Variants in SETBP1 observed in about 807,000 individuals in gnomAD.
SETBP1 encodes the protein SET binding protein 1.
A neutral mutation model predicts 101.0 loss-of-function variants in SETBP1; 9 were observed. That is an observed-to-expected ratio of 0.09 (90% CI 0.05 to 0.16). The LOEUF (loss-of-function observed/expected upper bound fraction) is 0.16, where lower values mean the gene tolerates loss of function less well. Ranked by LOEUF, SETBP1 falls within the 10% of genes least tolerant of loss-of-function variation. The pLI is 1.00. For missense variants in SETBP1, 1,858 were observed against 2,033.8 expected (o/e 0.91, Z 1.66); for synonymous variants, 818 against 788.5 (o/e 1.04, Z -0.63).
rs569781483 is a variant in SETBP1, at chr18:45,024,159, C to T, written c.4001-14326C>T. 1.6e-3 allele frequency among the ~76,000 whole-genome samples: 247 copies of T among 152,266 alleles called. 1 individual carries two copies. Among genetic ancestry groups the T allele is most frequent in the Non-Finnish European group, 2.9e-3 (196 of 68,022 alleles). ...TCTCCCCTCTAAAACAAAGACTAAA[C>T]AATTTCACAGGCTGTTTCTTGTGTC... is the stretch of plus-strand genomic sequence containing the variant. On this transcript the variant is annotated intron_variant, in intron 4 of 5. Transcript: ENST00000649279.
chr18:44,738,826 C>T (rs934513865), intron 2 of SETBP1, among the ~76,000 whole-genome samples: 1 of 151,006 alleles, frequency 6.6e-6, no homozygotes, highest in Non-Finnish European at 1.5e-5. Flanking sequence ...AACACACACA[C>T]ATACACACAC....
intron 4 of SETBP1, among the ~76,000 whole-genome samples, chr18:45,032,771 A>G (rs79339479): frequency 0.017 from 2,637 of 152,288 alleles, 78 homozygotes; most frequent in African/African-American, 0.06. Flanking sequence ...CTCTGAGTCC[A>G]TGGAGCTGCA....
intron 2 of SETBP1, among the ~76,000 whole-genome samples, chr18:44,839,328 C>T (rs1239972175): frequency 6.6e-6 from 1 of 152,202 alleles, no homozygotes; most frequent in Non-Finnish European, 1.5e-5. Flanking sequence ...CCACTTCCGT[C>T]ACCCCGGGGG....
rs117364404 is a variant in SETBP1, at chr18:44,958,587, T to C, written c.4000+5247T>C. On this transcript the variant is annotated intron_variant, in intron 4 of 5. Coordinates refer to ENST00000649279, the MANE Select transcript of SETBP1 (RefSeq NM_015559.3). ...GCTTAAGAAGGTCAAGTGACTCATC[T>C]AATGATACATATTTAATTGGGTGAA... is the stretch of plus-strand genomic sequence containing the variant. Among the ~76,000 whole-genome samples the C allele has an allele frequency of 1.4e-4, 21 of 152,288 alleles. No individual in the cohort carries two copies. In the East Asian group the frequency reaches 4.1e-3, roughly 29 times the overall value.
chr18:44,971,163 A>G (rs1177652704), intron 4 of SETBP1, among the ~76,000 whole-genome samples: 2 of 152,018 alleles, frequency 1.3e-5, no homozygotes, highest in African/African-American at 4.8e-5. Flanking sequence ...GCTCAGAATG[A>G]TGGTTTCCAG....
chr18:44,867,301 G>A (rs1025989788), intron 2 of SETBP1, among the ~76,000 whole-genome samples: 1 of 152,204 alleles, frequency 6.6e-6, no homozygotes, highest in Non-Finnish European at 1.5e-5. Flanking sequence ...AGATGCAAAT[G>A]GAGGTGTGTT....
At chr18:44,960,957 A>G (rs2071598712) in intron 4 of SETBP1, among the ~76,000 whole-genome samples, 1 of 152,260 alleles carries the variant, frequency 6.6e-6, no homozygotes, top group Non-Finnish European at 1.5e-5. Flanking sequence ...GTCAAAGGTG[A>G]TTCCAATGTA....
chr18:44,936,523 T>A (rs1030636660), intron 3 of SETBP1, among the ~76,000 whole-genome samples: 1 of 152,120 alleles, frequency 6.6e-6, no homozygotes, highest in Non-Finnish European at 1.5e-5. Context: ...TAATTGAAAA[T>A]CCAGTTTTTA....
chr18:44,904,209 A>T (rs934791435), intron 3 of SETBP1, among the ~76,000 whole-genome samples: 4 of 152,182 alleles, frequency 2.6e-5, no homozygotes, highest in Non-Finnish European at 4.4e-5. Context: ...TTTTTCAAAA[A>T]TAAGGGCAAA....
intron 2 of SETBP1, among the ~76,000 whole-genome samples, chr18:44,719,078 T>A (rs1276494717): frequency 6.6e-6 from 1 of 152,140 alleles, no homozygotes; most frequent in Non-Finnish European, 1.5e-5. Context: ...CTATGGGATG[T>A]CCTTGAAAGT....
intron 4 of SETBP1, among the ~76,000 whole-genome samples, chr18:44,998,579 A>G (rs1258512888): frequency 1.3e-5 from 2 of 152,188 alleles, no homozygotes; most frequent in Non-Finnish European, 2.9e-5. Context: ...TTTTTCATAT[A>G]CAGCTAGATC....
Position 44,710,338 on chromosome 18 carries a change from A to T in SETBP1, c.486+8506A>T, listed in dbSNP as rs1283928151. 2.0e-5 allele frequency among the ~76,000 whole-genome samples: 3 copies of T among 152,096 alleles called. No homozygotes were observed. The East Asian group carries it at 5.8e-4, about 29-fold the overall frequency. ...TACTGGGAACCGCTAAGGATAGTCA[A>T]GGTGGAGAACACAGGGTGGGGTCTC... On this transcript the variant is annotated intron_variant, in intron 2 of 5. Transcript: ENST00000649279.
At chr18:44,994,503 TTCCCACATC>T (rs1272066286) in intron 4 of SETBP1, among the ~76,000 whole-genome samples, 1 of 152,184 alleles carries the variant, frequency 6.6e-6, no homozygotes, top group African/African-American at 2.4e-5. Flanking sequence ...AGATACACAT[TTCCCACATC>T]TTACCCAACA....
At chr18:44,912,984 C>A (rs1046619934) in intron 3 of SETBP1, among the ~76,000 whole-genome samples, 1 of 152,126 alleles carries the variant, frequency 6.6e-6, no homozygotes, top group East Asian at 1.9e-4. Flanking sequence ...AAAGTTCCCT[C>A]CCTCCAGCTT....
intron 4 of SETBP1, among the ~76,000 whole-genome samples, chr18:44,957,225 G>A (rs1599376646): frequency 6.6e-6 from 1 of 152,062 alleles, no homozygotes; most frequent in Non-Finnish European, 1.5e-5. Flanking sequence ...ATGATGCCAT[G>A]TGCCCTCAAA....
chr18:44,713,823 C>G (rs1228261925), intron 2 of SETBP1, among the ~76,000 whole-genome samples: 3 of 152,222 alleles, frequency 2.0e-5, no homozygotes, highest in Non-Finnish European at 4.4e-5. Context: ...TTATTATCAT[C>G]TCTTTGTGCA....
intron 3 of SETBP1, chr18:44,870,783 G>A (rs1357586743): frequency 6.6e-6 from 1 of 152,120 alleles, no homozygotes; most frequent in Non-Finnish European, 1.5e-5. Flanking sequence ...AAGGACACCC[G>A]GTAGAGACTG....
chr18:44,962,358 A>C (rs2071630163), intron 4 of SETBP1, among the ~76,000 whole-genome samples: 1 of 152,156 alleles, frequency 6.6e-6, no homozygotes, highest in Admixed American at 6.5e-5. Context: ...ATGGATTTTT[A>C]AGAGGCACAG....
chr18:44,858,014 T>G (rs906911661), intron 2 of SETBP1, among the ~76,000 whole-genome samples: 3 of 152,158 alleles, frequency 2.0e-5, no homozygotes, highest in Admixed American at 2.0e-4. Context: ...AAGGAGAGTT[T>G]CTGGCGACAC....
Sources: allele counts gnomAD v4.1 joint callset (sites outside exome capture counted in the v4.1 genomes callset), GRCh38; gene constraint gnomAD v4.1.1; transcripts MANE v1.5; gene names NCBI Gene and HGNC (gene_info 2026-07-23, HGNC 2026-07-21).